PTPRK: variants seen among roughly 807,000 people sequenced by gnomAD.
PTPRK encodes the protein receptor-type tyrosine-protein phosphatase kappa.
A neutral mutation model predicts 178.0 loss-of-function variants in PTPRK; 75 were observed. The ratio of observed to expected loss-of-function variants is 0.42; its 90% CI spans 0.35 to 0.51. The LOEUF is 0.51. Ranked by LOEUF, PTPRK falls within the 20% of genes least tolerant of loss-of-function variation. The probability of loss-of-function intolerance (pLI) is 0.02; values close to 1 mark genes in which losing one functional copy is unlikely to be tolerated. For synonymous variants in PTPRK, 637 were observed against 620.6 expected, an observed-to-expected ratio of 1.03 and a Z score of -0.39; for missense variants, 1,441 against 1,797.8, an observed-to-expected ratio of 0.80 and a Z score of 3.59.
chr6:128,204,783 G>T (rs993905577), intron 6 of PTPRK, among the ~76,000 whole-genome samples: 2 of 152,120 alleles, frequency 1.3e-5, no homozygotes, highest in Non-Finnish European at 2.9e-5. Flanking sequence ...GCTGGCAAGG[G>T]TGTGGAGAAA....
intron 13 of PTPRK, among the ~76,000 whole-genome samples, chr6:128,028,489 T>G (rs1408078556): frequency 6.6e-6 from 1 of 152,190 alleles, no homozygotes; most frequent in East Asian, 1.9e-4. Flanking sequence ...TACTAACTCC[T>G]CAGTATATTC....
chr6:128,510,168 C>T (rs1269774894), intron 1 of PTPRK, among the ~76,000 whole-genome samples: 3 of 152,192 alleles, frequency 2.0e-5, no homozygotes, highest in Admixed American at 2.0e-4. Flanking sequence ...ACTGTCTACA[C>T]CCCTATGTGC....
chr6:128,442,106 C>T (rs1013805199), intron 1 of PTPRK, among the ~76,000 whole-genome samples: 2 of 152,152 alleles, frequency 1.3e-5, no homozygotes, highest in Non-Finnish European at 2.9e-5. Flanking sequence ...CTTCAAAATA[C>T]TTCATAATGT....
At chr6:128,324,614 T>C (rs760700134) in intron 2 of PTPRK, among the ~76,000 whole-genome samples, 1 of 152,158 alleles carries the variant, frequency 6.6e-6, no homozygotes, top group Non-Finnish European at 1.5e-5. Flanking sequence ...TTCATCTCTA[T>C]AGAATGTTTC....
rs145662910 is a variant in PTPRK, at chr6:128,365,882, C to T, written c.223+31684G>A. On this transcript the variant is annotated intron_variant, in intron 2 of 29. Transcript: ENST00000368226. ...TATTCTTGACTATTCTTATTAAATG[C>T]TCCCAGAAGTGCTATGGATCTAATA... Among the ~76,000 whole-genome samples, 47 of 152,230 alleles carry T rather than the reference C, an allele frequency of 3.1e-4. 1 individual carries two copies. Among genetic ancestry groups the T allele is most frequent in the African/African-American group, 9.9e-4 (41 of 41,556 alleles).
At chr6:128,227,444 A>C (rs1811549905) in intron 5 of PTPRK, among the ~76,000 whole-genome samples, 1 of 152,216 alleles carries the variant, frequency 6.6e-6, no homozygotes, top group South Asian at 2.1e-4. Flanking sequence ...AGGACTAGAC[A>C]AAAGTGGGGA....
At chr6:128,366,207 C>A (rs1835457777) in intron 2 of PTPRK, among the ~76,000 whole-genome samples, 1 of 152,012 alleles carries the variant, frequency 6.6e-6, no homozygotes, top group Non-Finnish European at 1.5e-5. Context: ...TCCTTAGGTA[C>A]TAAAATGCAG....
intron 1 of PTPRK, among the ~76,000 whole-genome samples, chr6:128,424,320 G>A (rs1457082319): frequency 6.6e-6 from 1 of 152,206 alleles, no homozygotes; most frequent in Non-Finnish European, 1.5e-5. Flanking sequence ...AATAGTGGCT[G>A]CGGAAAAGTC....
At chr6:128,095,766 C>T (rs1312488272) in intron 7 of PTPRK, among the ~76,000 whole-genome samples, 1 of 152,150 alleles carries the variant, frequency 6.6e-6, no homozygotes, top group African/African-American at 2.4e-5. Flanking sequence ...AAATCCAGTG[C>T]TCTTCCATTC....
chr6:128,315,673 G>A (rs1350341709), intron 3 of PTPRK, among the ~76,000 whole-genome samples: 1 of 152,056 alleles, frequency 6.6e-6, no homozygotes, highest in Non-Finnish European at 1.5e-5. Flanking sequence ...ATTATGTAAT[G>A]AATAATAAAA....
chr6:128,057,348 G>A (rs1465400831), intron 13 of PTPRK, among the ~76,000 whole-genome samples: 2 of 152,154 alleles, frequency 1.3e-5, no homozygotes, highest in Non-Finnish European at 1.5e-5. Context: ...ACTGATGTCC[G>A]GGAACTCGGA....
At chr6:128,157,918 T>C (rs1304655630) in intron 7 of PTPRK, among the ~76,000 whole-genome samples, 2 of 152,094 alleles carry the variant, frequency 1.3e-5, no homozygotes, top group Non-Finnish European at 2.9e-5. Context: ...TTTCTTTAGC[T>C]GTGCAGAAGC....
chr6:128,326,829 T>C (rs1829643729), intron 2 of PTPRK, among the ~76,000 whole-genome samples: 1 of 152,132 alleles, frequency 6.6e-6, no homozygotes, highest in African/African-American at 2.4e-5. Context: ...GCATTAGATT[T>C]GCACATTTTT....
intron 13 of PTPRK, among the ~76,000 whole-genome samples, chr6:128,030,083 C>T (rs373488421): frequency 2.6e-5 from 4 of 152,246 alleles, no homozygotes; most frequent in African/African-American, 7.2e-5. Context: ...GAAGTGAGGG[C>T]ACTGGCTTTT....
chr6:128,285,263 C>T (rs1204850194), intron 3 of PTPRK, among the ~76,000 whole-genome samples: 1 of 152,214 alleles, frequency 6.6e-6, no homozygotes, highest in Non-Finnish European at 1.5e-5. Context: ...GCCTGTAATT[C>T]CAGCACTTTG....
intron 13 of PTPRK, among the ~76,000 whole-genome samples, chr6:128,016,624 G>A (rs918854871): frequency 4.0e-5 from 6 of 151,594 alleles, no homozygotes; most frequent in Admixed American, 2.0e-4. Flanking sequence ...CTTATGGTAT[G>A]AATAACAGTT....
intron 6 of PTPRK, among the ~76,000 whole-genome samples, chr6:128,185,636 T>A (rs1802633217): frequency 6.6e-6 from 1 of 152,132 alleles, no homozygotes; most frequent in South Asian, 2.1e-4. Context: ...CTAAAGAAAG[T>A]GTTAATAAAG....
intron 7 of PTPRK, among the ~76,000 whole-genome samples, chr6:128,103,672 T>C (rs545656964): frequency 6.6e-6 from 1 of 152,308 alleles, no homozygotes; most frequent in South Asian, 2.1e-4. Context: ...CAATTCTTTT[T>C]TTCCCCCTGC....
At chr6:128,186,956 T>C (rs1266163466) in intron 6 of PTPRK, among the ~76,000 whole-genome samples, 2 of 152,292 alleles carry the variant, frequency 1.3e-5, no homozygotes, top group East Asian at 1.9e-4. Flanking sequence ...TCATTCCAGA[T>C]GGCTCATATA....
Sources: gnomAD v4.1 joint callset for allele counts (sites outside exome capture counted in the v4.1 genomes callset) on GRCh38, gnomAD v4.1.1 for gene constraint, MANE v1.5 for transcripts, NCBI Gene and HGNC (gene_info 2026-07-23, HGNC 2026-07-21) for gene names.